PHKB: variants seen among roughly 807,000 people sequenced by gnomAD.
PHKB encodes the protein phosphorylase kinase regulatory subunit beta, also known as phosphorylase b kinase regulatory subunit beta.
In PHKB, 122 loss-of-function variants were observed where a neutral mutation model predicts 152.1. The observed-to-expected ratio is 0.80, with a 90% CI of 0.69 to 0.93. PHKB has a LOEUF of 0.93. PHKB is among the 40% of genes least tolerant of loss of function. PHKB has a pLI of 0.00. For missense variants in PHKB, 1,304 were observed against 1,328.4 expected, an observed-to-expected ratio of 0.98 and a Z score of 0.29; for synonymous variants, 436 against 464.9, an observed-to-expected ratio of 0.94 and a Z score of 0.80.
chr16:47,596,328 A>G, intron 12 of PHKB, 45 bp from the exon 13 acceptor site: 1 of 1,341,716 alleles, frequency 7.5e-7, no homozygotes, highest in Non-Finnish European at 1.1e-6. Context: ...GAATGGACTA[A>G]TACAGATTTG....
chr16:47,525,151 G>C (rs1213522901), intron 6 of PHKB, among the ~76,000 whole-genome samples: 1 of 152,006 alleles, frequency 6.6e-6, no homozygotes, highest in African/African-American at 2.4e-5. Context: ...AAGTTCTTTA[G>C]TATTGCATAC....
intron 7 of PHKB, among the ~76,000 whole-genome samples, chr16:47,552,865 ACT>A (rs1236258046): frequency 2.0e-5 from 3 of 151,214 alleles, no homozygotes; most frequent in African/African-American, 7.3e-5. Flanking sequence ...ATTGATCCCC[ACT>A]CTCTCCTGGC....
intron 4 of PHKB, among the ~76,000 whole-genome samples, chr16:47,506,185 C>CAA (rs1271698464): frequency 8.0e-6 from 1 of 125,656 alleles, no homozygotes; most frequent in African/African-American, 2.9e-5. Flanking sequence ...GACTCCGCCT[C>CAA]AAAAAAAAAA....
At chr16:47,585,986 A>G (rs574167791) in intron 8 of PHKB, among the ~76,000 whole-genome samples, 52 of 152,222 alleles carry the variant, frequency 3.4e-4, no homozygotes, top group African/African-American at 1.3e-3. Flanking sequence ...TTTTTTGTGT[A>G]TTCATAGGCT....
At chr16:47,637,741 GA>G (rs913470291) in intron 14 of PHKB, among the ~76,000 whole-genome samples, 1 of 151,822 alleles carries the variant, frequency 6.6e-6, no homozygotes, top group Non-Finnish European at 1.5e-5. Flanking sequence ...GAAATGAAAG[GA>G]AAAAAATGGG....
At chr16:47,640,115 T>G (rs571200312) in intron 14 of PHKB, among the ~76,000 whole-genome samples, 1 of 152,346 alleles carries the variant, frequency 6.6e-6, no homozygotes, top group South Asian at 2.1e-4. Context: ...TTGTATGGTA[T>G]TTACTGCTGA....
intron 8 of PHKB, among the ~76,000 whole-genome samples, chr16:47,584,558 T>G (rs1876908420): frequency 1.3e-5 from 2 of 152,170 alleles, no homozygotes; most frequent in South Asian, 4.1e-4. Flanking sequence ...GTTGGGTCAG[T>G]AAGCAAAAGT....
chr16:47,542,069 C>CCCATGG (rs1398977119), intron 6 of PHKB, among the ~76,000 whole-genome samples: 1 of 152,134 alleles, frequency 6.6e-6, no homozygotes, highest in Non-Finnish European at 1.5e-5. Context: ...TAAGTCCTTG[C>CCCATGG]CCATGCCTAT....
chr16:47,516,078 C>T (rs1354804674), intron 6 of PHKB, among the ~76,000 whole-genome samples: 1 of 152,080 alleles, frequency 6.6e-6, no homozygotes, highest in Admixed American at 6.5e-5. Flanking sequence ...TAGGCATGTG[C>T]CACTACGCCT....
At chr16:47,638,961 T>C (rs1250058932) in intron 14 of PHKB, among the ~76,000 whole-genome samples, 1 of 152,200 alleles carries the variant, frequency 6.6e-6, no homozygotes, top group Non-Finnish European at 1.5e-5. Context: ...ACAGAGAGAC[T>C]TAATGGGTTT....
At chr16:47,591,519 T>A (rs1972028549) in intron 10 of PHKB, among the ~76,000 whole-genome samples, 1 of 152,158 alleles carries the variant, frequency 6.6e-6, no homozygotes, top group African/African-American at 2.4e-5. Context: ...CCCCTTTCTT[T>A]ATTCTCCACT....
At chr16:47,672,491 A>G (rs1365894609) in intron 26 of PHKB, among the ~76,000 whole-genome samples, 1 of 152,158 alleles carries the variant, frequency 6.6e-6, no homozygotes, top group Non-Finnish European at 1.5e-5. Context: ...ACTGAGAAGT[A>G]TAGGTTATAA....
intron 7 of PHKB, among the ~76,000 whole-genome samples, chr16:47,553,321 G>A (rs1237509369): frequency 6.6e-6 from 1 of 151,762 alleles, no homozygotes; most frequent in Non-Finnish European, 1.5e-5. Context: ...CCGCTTGATC[G>A]ATTCGGCTCT....
chr16:47,665,050 G>A (rs973976665), intron 25 of PHKB, 75 bp downstream of exon 25: 5 of 908,230 alleles, frequency 5.5e-6, no homozygotes, highest in Non-Finnish European at 9.1e-6. Context: ...GGTTAAATAT[G>A]TCTTTTGGTC....
intron 2 of PHKB, among the ~76,000 whole-genome samples, chr16:47,498,219 C>A (rs901403500): frequency 4.6e-5 from 7 of 152,168 alleles, no homozygotes; most frequent in African/African-American, 1.7e-4. Flanking sequence ...AAGATTCTTG[C>A]TTGCATTAAG....
intron 6 of PHKB, 45 bp from the exon 7 acceptor site, chr16:47,547,388 C>A (rs763189189): frequency 8.3e-7 from 1 of 1,198,900 alleles, no homozygotes; most frequent in Admixed American, 1.7e-5. Flanking sequence ...CGGCCTATGT[C>A]CTGTTATTGA....
intron 7 of PHKB, among the ~76,000 whole-genome samples, chr16:47,577,843 TTC>T (rs1364380404): frequency 2.0e-5 from 3 of 152,210 alleles, no homozygotes; most frequent in African/African-American, 7.2e-5. Flanking sequence ...TTAAAATTTA[TTC>T]TGTTTGTGTT....
intron 6 of PHKB, among the ~76,000 whole-genome samples, chr16:47,531,719 A>G (rs891991281): frequency 1.3e-5 from 2 of 152,206 alleles, no homozygotes; most frequent in African/African-American, 4.8e-5. Context: ...AGCCACTAGA[A>G]AACTCATGTT....
intron 7 of PHKB, among the ~76,000 whole-genome samples, chr16:47,551,344 G>A (rs1156610145): frequency 6.6e-6 from 1 of 152,062 alleles, no homozygotes; most frequent in African/African-American, 2.4e-5. Flanking sequence ...TTCTCCTGTG[G>A]GCATTTGGTG....
Sources: allele counts gnomAD v4.1 joint callset (sites outside exome capture counted in the v4.1 genomes callset), GRCh38; gene constraint gnomAD v4.1.1; transcripts MANE v1.5; gene names NCBI Gene and HGNC (gene_info 2026-07-23, HGNC 2026-07-21).